Variants in L3MBTL4 observed in about 807,000 individuals in gnomAD.
L3MBTL4 encodes the protein L3MBTL histone methyl-lysine binding protein 4.
In L3MBTL4, 70 loss-of-function variants were observed where a neutral mutation model predicts 84.5. The ratio of observed to expected loss-of-function variants is 0.83; its 90% confidence interval spans 0.68 to 1.01. The LOEUF (loss-of-function observed/expected upper bound fraction) is 1.01. Ranked by LOEUF, L3MBTL4 falls within the 50% of genes least tolerant of loss-of-function variation. L3MBTL4 has a pLI of 0.00. For missense variants in L3MBTL4, 715 were observed against 754.8 expected (o/e 0.95, Z 0.62); for synonymous variants, 274 against 259.8 (o/e 1.05, Z -0.52).
chr18:6,261,765 C>T (rs1410387476), intron 5 of L3MBTL4, among the ~76,000 whole-genome samples: 4 of 152,138 alleles, frequency 2.6e-5, no homozygotes, highest in African/African-American at 9.7e-5. Flanking sequence ...GGTGTTCTTG[C>T]TCTGGCTGAT....
At chr18:6,020,660 T>C (rs2145492606) in intron 16 of L3MBTL4, among the ~76,000 whole-genome samples, 1 of 152,230 alleles carries the variant, frequency 6.6e-6, no homozygotes, top group African/African-American at 2.4e-5. Flanking sequence ...GAGAAGACTT[T>C]GGAGGCAAAA....
intron 4 of L3MBTL4, among the ~76,000 whole-genome samples, chr18:6,281,860 G>A (rs2049335178): frequency 6.6e-6 from 1 of 152,136 alleles, no homozygotes; most frequent in South Asian, 2.1e-4. Flanking sequence ...TAAAATATTA[G>A]TATCATAAAC....
chr18:6,371,535 G>A (rs953507536), intron 1 of L3MBTL4, among the ~76,000 whole-genome samples: 2 of 152,130 alleles, frequency 1.3e-5, no homozygotes, highest in African/African-American at 4.8e-5. Flanking sequence ...AGCCAACTCT[G>A]CCTGGCAAAT....
chr18:6,122,428 C>A (rs563890082), intron 14 of L3MBTL4, among the ~76,000 whole-genome samples: 82 of 152,274 alleles, frequency 5.4e-4, no homozygotes, highest in African/African-American at 1.9e-3. Context: ...TAACTGAATC[C>A]TGGGAGCAGG....
At chr18:6,057,199 T>C (rs1444036071) in intron 16 of L3MBTL4, among the ~76,000 whole-genome samples, 1 of 152,136 alleles carries the variant, frequency 6.6e-6, no homozygotes, top group Non-Finnish European at 1.5e-5. Flanking sequence ...CAGCTAATTT[T>C]TGTATTTTTA....
At chr18:5,981,998 G>GTGTC (rs1555622581) in intron 16 of L3MBTL4, among the ~76,000 whole-genome samples, 23 of 128,594 alleles carry the variant, frequency 1.8e-4, no homozygotes. Context: ...GTGTGTGTGT[G>GTGTC]TGTGTGTGTG....
chr18:6,153,696 C>G (rs1281036907), intron 13 of L3MBTL4, among the ~76,000 whole-genome samples: 1 of 152,082 alleles, frequency 6.6e-6, no homozygotes, highest in Non-Finnish European at 1.5e-5. Context: ...GTGATTGGAT[C>G]ATAAGGGTGG....
intron 16 of L3MBTL4, among the ~76,000 whole-genome samples, chr18:6,055,100 C>T (rs1486728334): frequency 6.6e-6 from 1 of 152,234 alleles, no homozygotes; most frequent in Non-Finnish European, 1.5e-5. Context: ...AATTTCATCT[C>T]ATGCCTATTT....
intron 14 of L3MBTL4, among the ~76,000 whole-genome samples, chr18:6,110,194 T>C (rs1568135977): frequency 1.3e-5 from 2 of 152,196 alleles, no homozygotes; most frequent in African/African-American, 4.8e-5. Flanking sequence ...CCCTATTGAG[T>C]TTCAAAATTT....
intron 1 of L3MBTL4, among the ~76,000 whole-genome samples, chr18:6,408,751 G>A (rs866389673): frequency 6.0e-5 from 9 of 150,094 alleles, no homozygotes; most frequent in Non-Finnish European, 8.9e-5. Context: ...GTGCAATCTC[G>A]GCTCACTGCA....
intron 1 of L3MBTL4, among the ~76,000 whole-genome samples, chr18:6,393,435 GC>G (rs1349629065): frequency 6.6e-6 from 1 of 152,128 alleles, no homozygotes; most frequent in Non-Finnish European, 1.5e-5. Flanking sequence ...TGAAATGAAA[GC>G]CCACAATGCT....
At chr18:6,025,285 G>A (rs2055448984) in intron 16 of L3MBTL4, 1 of 152,124 alleles carries the variant, frequency 6.6e-6, no homozygotes, top group Non-Finnish European at 1.5e-5. Context: ...TATCTTTTTG[G>A]TTAAGAAGAG....
At chr18:6,063,581 C>T (rs549970463) in intron 16 of L3MBTL4, among the ~76,000 whole-genome samples, 11 of 151,190 alleles carry the variant, frequency 7.3e-5, no homozygotes, top group African/African-American at 2.4e-4. Context: ...AAGGTGGTAT[C>T]TCATTGCATT....
At chr18:6,084,847 C>T (rs945707324) in intron 15 of L3MBTL4, among the ~76,000 whole-genome samples, 1 of 152,128 alleles carries the variant, frequency 6.6e-6, no homozygotes, top group African/African-American at 2.4e-5. Flanking sequence ...GGCCTCAATA[C>T]AAATTTTATC....
chr18:6,331,337 C>T (rs1399621160), intron 1 of L3MBTL4, among the ~76,000 whole-genome samples: 1 of 152,164 alleles, frequency 6.6e-6, no homozygotes, highest in African/African-American at 2.4e-5. Flanking sequence ...GCTGAGAGAT[C>T]AGAGATCCAA....
chr18:6,171,466 G>T (rs2043967008), intron 13 of L3MBTL4, among the ~76,000 whole-genome samples: 1 of 152,108 alleles, frequency 6.6e-6, no homozygotes, highest in South Asian at 2.1e-4. Flanking sequence ...ACTTTGTGTA[G>T]TCTATTCTAT....
intron 13 of L3MBTL4, among the ~76,000 whole-genome samples, chr18:6,168,951 G>T (rs1444602451): frequency 6.6e-6 from 1 of 152,060 alleles, no homozygotes; most frequent in African/African-American, 2.4e-5. Flanking sequence ...CTAATATCCA[G>T]AATCTACAAT....
intron 18 of L3MBTL4, 84 bp downstream of exon 18, chr18:5,960,010 A>G: frequency 3.4e-6 from 1 of 290,986 alleles, no homozygotes; most frequent in Admixed American, 6.7e-5. Flanking sequence ...AGAAATACAT[A>G]CATATATATA....
chr18:6,311,610 T>G lies in L3MBTL4; in HGVS notation c.16A>C (p.Arg6=), dbSNP rs747908314. 1 of 1,613,788 alleles carries G rather than the reference T, an allele frequency of 6.2e-7. No individual in the cohort carries two copies. Reference sequence around the variant, plus strand: ...GAATCCATATTAAGCTTCCTTTTCCTGTTGGGCTGTTTCATTGCCACCCCC... The same window carrying G: ...GAATCCATATTAAGCTTCCTTTTCCGGTTGGGCTGTTTCATTGCCACCCCC... MKQPN[R]KRKLNMDSKE... is the part of the protein sequence containing the mutation. Residue 6 remains arginine (R), a synonymous_variant, in exon 3 of 19, where the codon AGG becomes CGG. Transcript: ENST00000317931.
Sources: gnomAD v4.1 joint callset for allele counts (sites outside exome capture counted in the v4.1 genomes callset) on GRCh38, gnomAD v4.1.1 for gene constraint, MANE v1.5 for transcripts, NCBI Gene and HGNC (gene_info 2026-07-23, HGNC 2026-07-21) for gene names.